TIAM1: variants seen among roughly 807,000 people sequenced by gnomAD.
TIAM1 encodes rho guanine nucleotide exchange factor TIAM1.
In TIAM1, 65 loss-of-function variants were observed where a neutral mutation model predicts 163.5. That is an observed-to-expected ratio of 0.40 (90% CI 0.33 to 0.49). TIAM1 has a LOEUF of 0.49. Ranked by LOEUF, TIAM1 falls within the 20% of genes least tolerant of loss-of-function variation. The probability of loss-of-function intolerance (pLI) is 0.77; values close to 1 mark genes in which losing one functional copy is unlikely to be tolerated. For missense variants in TIAM1, 1,789 were observed against 2,044.7 expected (o/e 0.87, Z 2.41); for synonymous variants, 833 against 810.1 (o/e 1.03, Z -0.48).
At chr21:31,124,848 C>T (rs1417856735) in intron 26 of TIAM1, among the ~76,000 whole-genome samples, 154 bp from the exon 27 acceptor site, 3 of 152,158 alleles carry the variant, frequency 2.0e-5, no homozygotes, top group South Asian at 2.1e-4. Flanking sequence ...GGTGATTTCA[C>T]GCCAGTGATA....
intron 23 of TIAM1, among the ~76,000 whole-genome samples, chr21:31,132,015 A>G (rs1283058681): frequency 6.6e-6 from 1 of 152,178 alleles, no homozygotes; most frequent in Non-Finnish European, 1.5e-5. Context: ...TAGCAGCCCA[A>G]ATGGACTAAG....
chr21:31,541,037 C>T (rs565935257), intron 1 of TIAM1, among the ~76,000 whole-genome samples: 15 of 152,162 alleles, frequency 9.9e-5, no homozygotes, highest in African/African-American at 3.6e-4. Flanking sequence ...GGCAGTTTGG[C>T]AATTCAAATC....
intron 2 of TIAM1, among the ~76,000 whole-genome samples, chr21:31,405,758 G>C (rs925109490): frequency 2.6e-5 from 4 of 152,014 alleles, no homozygotes; most frequent in Admixed American, 1.3e-4. Context: ...TCTCCCACTG[G>C]GTCCCTCCCA....
intron 1 of TIAM1, among the ~76,000 whole-genome samples, chr21:31,518,086 G>C (rs1201716759): frequency 6.6e-6 from 1 of 152,044 alleles, no homozygotes; most frequent in Non-Finnish European, 1.5e-5. Context: ...TAACATATAA[G>C]GCCTCAGCCA....
chr21:31,160,042 C>T (rs1447247362), intron 16 of TIAM1, among the ~76,000 whole-genome samples: 2 of 152,176 alleles, frequency 1.3e-5, no homozygotes, highest in Non-Finnish European at 2.9e-5. Flanking sequence ...GCCGATCACT[C>T]GGACAGCCCG....
At chr21:31,507,322 A>G (rs963104284) in intron 1 of TIAM1, among the ~76,000 whole-genome samples, 2 of 148,016 alleles carry the variant, frequency 1.4e-5, no homozygotes, top group African/African-American at 2.5e-5. Context: ...CTCTTGCCTC[A>G]GCCTCCTGAG....
chr21:31,302,889 G>A (rs2074557206), intron 2 of TIAM1, among the ~76,000 whole-genome samples: 1 of 152,160 alleles, frequency 6.6e-6, no homozygotes, highest in Admixed American at 6.5e-5. Flanking sequence ...AACAGCAATT[G>A]GGAGGCCCAT....
intron 2 of TIAM1, among the ~76,000 whole-genome samples, chr21:31,337,040 G>C (rs1455790969): frequency 6.6e-6 from 1 of 152,192 alleles, no homozygotes; most frequent in Non-Finnish European, 1.5e-5. Context: ...CGGTGATCAA[G>C]AGACTAGACT....
rs1376359633 is a variant in TIAM1, at chr21:31,118,435, ATTGT to A, written c.*1929_*1932del. On this transcript the variant is annotated 3_prime_UTR_variant, in exon 28 of 28. Coordinates refer to ENST00000541036, the MANE Select transcript of TIAM1 (RefSeq NM_001353694.2). ...CGCCCAGACACTTTTCGTTATTTTT[ATTGT>A]TTGACAAGCATTTACAACGTTCCAT... 2 of 360,834 alleles carry A rather than the reference ATTGT, an allele frequency of 5.5e-6. No individual in the cohort carries two copies. The highest frequency in any genetic ancestry group is 1.1e-5 in the Non-Finnish European group (2 of 177,740). The allele number at this position is 360,834 out of a possible 1,614,324, so 22.4% of individuals were successfully genotyped here.
chr21:31,481,675 A>G (rs146912560), intron 1 of TIAM1, among the ~76,000 whole-genome samples: 5 of 152,178 alleles, frequency 3.3e-5, no homozygotes, highest in African/African-American at 1.2e-4. Context: ...CACAACTCAG[A>G]AACAGCCAAA....
intron 1 of TIAM1, among the ~76,000 whole-genome samples, chr21:31,520,512 A>G (rs1031977581): frequency 6.6e-5 from 10 of 152,216 alleles, no homozygotes; most frequent in African/African-American, 2.4e-4. Context: ...GAGAAAAGGC[A>G]TTTGTGGTAT....
intron 2 of TIAM1, among the ~76,000 whole-genome samples, chr21:31,336,432 A>G (rs1210524242): frequency 5.3e-5 from 8 of 152,050 alleles, no homozygotes; most frequent in Non-Finnish European, 1.2e-4. Context: ...GCAGTGTGAA[A>G]ATACACACAC....
At chr21:31,127,258 C>A in intron 25 of TIAM1, 106 bp from the exon 26 acceptor site, 1 of 977,440 alleles carries the variant, frequency 1.0e-6, no homozygotes, top group Non-Finnish European at 1.6e-6. Flanking sequence ...TAATGCAGAA[C>A]ACTGTATAAG....
intron 9 of TIAM1, among the ~76,000 whole-genome samples, chr21:31,214,410 C>T (rs1228234485): frequency 6.6e-6 from 1 of 151,986 alleles, no homozygotes; most frequent in Non-Finnish European, 1.5e-5. Context: ...AAGCAATGAG[C>T]TAGATAAACT....
In TIAM1 at chr21:31,359,805, A is replaced by AAAGGAAGGAAGGAAGGAAGG. The variant is rs767750965; in HGVS notation, c.-368-20403_-368-20384dup. Among the ~76,000 whole-genome samples, 48 of 90,732 alleles carry AAAGGAAGGAAGGAAGGAAGG rather than the reference A, an allele frequency of 5.3e-4. 1 individual carries two copies. Among genetic ancestry groups the AAAGGAAGGAAGGAAGGAAGG allele is most frequent in the East Asian group, 2.4e-3 (7 of 2,972 alleles). 59.5% of individuals were successfully genotyped at this position (90,732 alleles called of 152,430 possible). On this transcript the variant is annotated intron_variant, in intron 2 of 28. Transcript: ENST00000286827. ...TCTGTCAAAAGAGAAAAAGAAAGAA[A>AAAGGAAGGAAGGAAGGAAGG]AAGGAAGGAAGGAAGGAAGGAAGGA...
intron 2 of TIAM1, among the ~76,000 whole-genome samples, chr21:31,304,719 C>T (rs997340774): frequency 9.9e-5 from 15 of 152,126 alleles, no homozygotes; most frequent in Non-Finnish European, 1.8e-4. Context: ...CTCACTCTAT[C>T]GCCCAGGCTG....
intron 6 of TIAM1, among the ~76,000 whole-genome samples, chr21:31,243,115 G>A (rs144383381): frequency 0.012 from 1,843 of 147,720 alleles, 47 homozygotes; most frequent in African/African-American, 0.043. Flanking sequence ...TTGCTTGAAC[G>A]TGGGAGGCAG....
chr21:31,506,621 A>G (rs923652788), intron 1 of TIAM1, among the ~76,000 whole-genome samples: 3 of 152,178 alleles, frequency 2.0e-5, no homozygotes, highest in African/African-American at 4.8e-5. Context: ...ATGTGTCAGA[A>G]TTTCCTTCCT....
intron 2 of TIAM1, among the ~76,000 whole-genome samples, chr21:31,438,202 T>C (rs2044284609): frequency 7.7e-6 from 1 of 129,762 alleles, no homozygotes; most frequent in Non-Finnish European, 1.6e-5. Flanking sequence ...TTTTTTTTTT[T>C]TTTTTTTGAG....
Sources: allele counts gnomAD v4.1 joint callset (sites outside exome capture counted in the v4.1 genomes callset), GRCh38; gene constraint gnomAD v4.1.1; transcripts MANE v1.5; gene names NCBI Gene and HGNC (gene_info 2026-07-23, HGNC 2026-07-21).